The following ALPK1 variants were observed in gnomAD, a reference collection of about 807,000 sequenced individuals.
ALPK1 encodes the protein alpha-protein kinase 1.
Under a neutral mutation model 120.6 loss-of-function variants are expected in ALPK1, and 110 were observed. The ratio of observed to expected loss-of-function variants is 0.91; its 90% CI spans 0.78 to 1.07. The LOEUF (loss-of-function observed/expected upper bound fraction) is 1.07. Ranked by LOEUF, ALPK1 falls within the 50% of genes least tolerant of loss-of-function variation. ALPK1 has a pLI of 0.00. For missense variants in ALPK1, 1,498 were observed against 1,483.9 expected (o/e 1.01, Z -0.16); for synonymous variants, 582 against 560.3 (o/e 1.04, Z -0.55).
intron 2 of ALPK1, among the ~76,000 whole-genome samples, chr4:112,318,528 A>G (rs1728732152): frequency 6.6e-6 from 1 of 152,238 alleles, no homozygotes; most frequent in Non-Finnish European, 1.5e-5. Flanking sequence ...TTATGACCTA[A>G]CATGGAAGAC....
At chr4:112,350,710 C>G (rs1730317225) in intron 2 of ALPK1, among the ~76,000 whole-genome samples, 1 of 152,190 alleles carries the variant, frequency 6.6e-6, no homozygotes, top group South Asian at 2.1e-4. Context: ...TCTGTCATAG[C>G]TTTTGGAAGT....
intron 4 of ALPK1, among the ~76,000 whole-genome samples, chr4:112,406,557 C>A (rs907711177): frequency 2.6e-5 from 4 of 152,174 alleles, no homozygotes; most frequent in Non-Finnish European, 5.9e-5. Flanking sequence ...TTCTCTCTGA[C>A]CTTCTCCTGC....
chr4:112,334,527 G>A (rs1386975737), intron 2 of ALPK1, among the ~76,000 whole-genome samples: 1 of 151,926 alleles, frequency 6.6e-6, no homozygotes, highest in Non-Finnish European at 1.5e-5. Context: ...AAGTTAATAC[G>A]GCAAGAATCT....
At chr4:112,374,723 A>G (rs1451804064) in intron 2 of ALPK1, among the ~76,000 whole-genome samples, 1 of 152,262 alleles carries the variant, frequency 6.6e-6, no homozygotes, top group African/African-American at 2.4e-5. Flanking sequence ...ATCAGCAGGC[A>G]TAAGAACAAC....
intron 4 of ALPK1, among the ~76,000 whole-genome samples, chr4:112,387,307 G>A (rs1413653248): frequency 6.6e-6 from 1 of 152,214 alleles, no homozygotes; most frequent in Non-Finnish European, 1.5e-5. Flanking sequence ...GGTGTGTTTG[G>A]ATTTGCAAGT....
chr4:112,348,042 C>A (rs1730173775), intron 2 of ALPK1, among the ~76,000 whole-genome samples: 1 of 152,094 alleles, frequency 6.6e-6, no homozygotes, highest in Non-Finnish European at 1.5e-5. Flanking sequence ...TGAAGAGGTA[C>A]CAAAGAAAGT....
At chr4:112,324,344 A>AAC (rs1374067870) in intron 2 of ALPK1, among the ~76,000 whole-genome samples, 1 of 150,542 alleles carries the variant, frequency 6.6e-6, no homozygotes, top group African/African-American at 2.5e-5. Flanking sequence ...AAAAAAAGAA[A>AAC]AAAAAAAGCC....
rs1436633446 is a variant in ALPK1 at position 112,439,817 on chromosome 4, T to C, written c.3483T>C (p.Tyr1161=). Residue 1161 remains tyrosine (Y), a synonymous_variant, in exon 14 of 16, where the codon TAT becomes TAC. Coordinates refer to ENST00000650871, the MANE Select transcript of ALPK1 (RefSeq NM_025144.4). ...AAGCCACAGAATATGGCTTGGCCTA[T>C]GGCCATTTTTCTTATGAGTTTTCTA... ...EYKATEYGLA[Y]GHFSYEFSNH... is the part of the protein sequence containing the mutation. The C allele has an allele frequency of 6.2e-7, 1 of 1,611,820 alleles. No individual in the cohort carries two copies. The highest frequency in any genetic ancestry group is 8.5e-7 in the Non-Finnish European group (1 of 1,179,418).
chr4:112,346,478 T>C (rs1730109088), intron 2 of ALPK1, among the ~76,000 whole-genome samples: 1 of 152,250 alleles, frequency 6.6e-6, no homozygotes, highest in Admixed American at 6.5e-5. Flanking sequence ...CACACCATCA[T>C]TATGTTCCTA....
At chr4:112,337,445 A>C (rs1729668247) in intron 2 of ALPK1, among the ~76,000 whole-genome samples, 2 of 152,204 alleles carry the variant, frequency 1.3e-5, no homozygotes, top group Non-Finnish European at 2.9e-5. Context: ...TTGTAAGCCC[A>C]GCATTTTGGG....
In ALPK1 at chr4:112,431,769, A is replaced by G. The variant is rs1734567198; in HGVS notation, c.2222A>G (p.Glu741Gly). 2 of 1,614,092 alleles carry G rather than the reference A, an allele frequency of 1.2e-6. No homozygotes were observed. The highest frequency in any genetic ancestry group is 1.7e-6 in the Non-Finnish European group (2 of 1,180,060). Residue 741 changes from glutamate (E) to glycine (G), a missense_variant, in exon 11 of 16, where the codon GAA (glutamate) becomes GGA (glycine). Coordinates refer to ENST00000650871, the MANE Select transcript of ALPK1 (RefSeq NM_025144.4). Reference sequence around the variant, plus strand: ...GGCACACATCCTTCAGTCCAAAAAGAAGAAGCCTTTGAAATAATTGTTGAG... The same window carrying G: ...GGCACACATCCTTCAGTCCAAAAAGGAGAAGCCTTTGAAATAATTGTTGAG... ...NMGTHPSVQK[E>G]EAFEIIVEFP... is the part of the protein sequence containing the mutation.
At chr4:112,330,690 C>G (rs1377116030) in intron 2 of ALPK1, among the ~76,000 whole-genome samples, 1 of 152,122 alleles carries the variant, frequency 6.6e-6, no homozygotes, top group Admixed American at 6.5e-5. Flanking sequence ...TACCAGTACC[C>G]ATGCCTTATG....
intron 5 of ALPK1, among the ~76,000 whole-genome samples, chr4:112,422,447 C>T (rs1424874300): frequency 1.3e-5 from 2 of 152,206 alleles, no homozygotes; most frequent in Non-Finnish European, 2.9e-5. Context: ...TTCCACATTA[C>T]TCCTGGAGAC....
chr4:112,377,923 G>C (rs1731739580), intron 3 of ALPK1, 25 bp downstream of exon 3: 2 of 1,585,832 alleles, frequency 1.3e-6, no homozygotes, highest in Non-Finnish European at 1.7e-6. Flanking sequence ...GGAGGCACCA[G>C]GGGTGAACCA....
At chr4:112,404,509 T>G (rs1733077186) in intron 4 of ALPK1, among the ~76,000 whole-genome samples, 1 of 152,254 alleles carries the variant, frequency 6.6e-6, no homozygotes, top group Non-Finnish European at 1.5e-5. Context: ...GTGCTAGAGC[T>G]AGGAAACAAA....
chr4:112,371,727 A>G (rs1447831458), intron 2 of ALPK1, among the ~76,000 whole-genome samples: 1 of 152,236 alleles, frequency 6.6e-6, no homozygotes, highest in Non-Finnish European at 1.5e-5. Flanking sequence ...GCAAGTGAGG[A>G]AACCAAAGCA....
At chr4:112,332,901 T>C (rs1484264054) in intron 2 of ALPK1, among the ~76,000 whole-genome samples, 3 of 152,204 alleles carry the variant, frequency 2.0e-5, no homozygotes, top group African/African-American at 7.2e-5. Flanking sequence ...CCCTCGTGAA[T>C]TACTGCAGAT....
intron 2 of ALPK1, among the ~76,000 whole-genome samples, chr4:112,364,248 T>C (rs1450761812): frequency 6.0e-5 from 9 of 150,986 alleles, no homozygotes; most frequent in Non-Finnish European, 8.9e-5. Context: ...TATATATTTA[T>C]ATACAAAAAA....
intron 2 of ALPK1, chr4:112,357,811 A>C (rs576663190): frequency 5.9e-6 from 6 of 1,015,822 alleles, no homozygotes; most frequent in East Asian, 2.4e-5. Flanking sequence ...TTCATATCCC[A>C]TCATGGAAAA....
Sources: gnomAD v4.1 joint callset for allele counts (sites outside exome capture counted in the v4.1 genomes callset) on GRCh38, gnomAD v4.1.1 for gene constraint, MANE v1.5 for transcripts, NCBI Gene and HGNC (gene_info 2026-07-23, HGNC 2026-07-21) for gene names.